KLF8: variants seen among roughly 807,000 people sequenced by gnomAD.
KLF8 encodes Krueppel-like factor 8.
KLF8 carries 10 observed loss-of-function variants against 18.2 expected under a neutral mutation model. The observed-to-expected ratio is 0.55, with a 90% CI of 0.34 to 0.93. KLF8 has a LOEUF of 0.93. KLF8 is among the 40% of genes least tolerant of loss of function. KLF8 has a pLI of 0.02. For synonymous variants in KLF8, 109 were observed against 97.3 expected (o/e 1.12, Z -0.71); for missense variants, 264 against 277.9 (o/e 0.95, Z 0.36).
the KLF8 span, among the ~76,000 whole-genome samples, chrX:56,055,919 G>T: frequency 9.0e-6 from 1 of 111,546 alleles, no homozygotes; most frequent in East Asian, 2.8e-4. Context: ...TATTAGTTCA[G>T]TTATATTTCT....
At chrX:56,157,656 T>A in the KLF8 span, among the ~76,000 whole-genome samples, 2 of 112,111 alleles carry the variant, frequency 1.8e-5, no homozygotes, top group African/African-American at 6.5e-5. Context: ...ATGAGCATTT[T>A]TTCATGTGTC....
chrX:56,185,974 C>CA, the KLF8 span, among the ~76,000 whole-genome samples: 5 of 111,641 alleles, frequency 4.5e-5, no homozygotes, highest in African/African-American at 1.6e-4. Context: ...AACTAACGAG[C>CA]AAAAAAACCA....
chrX:55,972,295 CTT>C, the KLF8 span, among the ~76,000 whole-genome samples: 15 of 111,101 alleles, frequency 1.4e-4, no homozygotes, highest in Non-Finnish European at 2.5e-4. Flanking sequence ...AAAAGACAAA[CTT>C]TGCATGTTCT....
chrX:56,081,554 T>C, the KLF8 span, among the ~76,000 whole-genome samples: 5 of 112,173 alleles, frequency 4.5e-5, no homozygotes, highest in Non-Finnish European at 7.5e-5. Context: ...CCTATTTTGT[T>C]CCTGATTTTA....
the KLF8 span, among the ~76,000 whole-genome samples, chrX:56,052,469 G>C: frequency 8.9e-6 from 1 of 111,828 alleles, no homozygotes; most frequent in Non-Finnish European, 1.9e-5. Flanking sequence ...CTTTCTGTTT[G>C]TTAGTTTTCC....
chrX:55,935,138 A>C, the KLF8 span, among the ~76,000 whole-genome samples: 2 of 112,576 alleles, frequency 1.8e-5, no homozygotes, highest in Non-Finnish European at 3.8e-5. Context: ...AATTACTAAT[A>C]CTAAGTGCTG....
chrX:56,109,470 T>C, the KLF8 span, among the ~76,000 whole-genome samples: 10 of 111,352 alleles, frequency 9.0e-5, no homozygotes, highest in Non-Finnish European at 1.3e-4. Context: ...TATTCTAATG[T>C]TGTTAGGTGG....
At chrX:55,997,133 C>T in the KLF8 span, among the ~76,000 whole-genome samples, 1 of 111,731 alleles carries the variant, frequency 9.0e-6, no homozygotes, top group Non-Finnish European at 1.9e-5. Flanking sequence ...CCTGGTGCAG[C>T]CAGGCAGGGA....
chrX:56,035,664 G>A, the KLF8 span, among the ~76,000 whole-genome samples: 4 of 111,594 alleles, frequency 3.6e-5, no homozygotes, highest in Admixed American at 3.8e-4. Context: ...CCTTAATTGG[G>A]GTGAAATGAT....
chrX:56,229,861 C>T (rs1429630902), upstream of KLF8, among the ~76,000 whole-genome samples: 1 of 111,931 alleles, frequency 8.9e-6, no homozygotes, highest in Non-Finnish European at 1.9e-5. Flanking sequence ...GTGCTCAATA[C>T]ATTTTATTGA....
the KLF8 span, among the ~76,000 whole-genome samples, chrX:56,078,056 T>A: frequency 5.0e-4 from 55 of 109,659 alleles, no homozygotes; most frequent in Non-Finnish European, 9.4e-4. Flanking sequence ...GACAATGGGG[T>A]TTTCCAGATA....
At chrX:56,273,447 T>C (rs1439019842) in intron 5 of KLF8, among the ~76,000 whole-genome samples, 1 of 110,022 alleles carries the variant, frequency 9.1e-6, no homozygotes, top group African/African-American at 3.3e-5. Flanking sequence ...TTGTACCCAT[T>C]AACCATCCCC....
chrX:56,026,912 G>A, the KLF8 span, among the ~76,000 whole-genome samples: 1 of 112,728 alleles, frequency 8.9e-6, no homozygotes, highest in African/African-American at 3.2e-5. Context: ...CTACTCCATA[G>A]GCTTGTATGC....
chrX:56,175,297 T>G, the KLF8 span, among the ~76,000 whole-genome samples: 3 of 112,082 alleles, frequency 2.7e-5, no homozygotes, highest in Non-Finnish European at 5.6e-5. Context: ...GTGTGTTGTG[T>G]CTTTGTTCTT....
chrX:56,194,079 C>T, the KLF8 span, among the ~76,000 whole-genome samples: 6 of 111,023 alleles, frequency 5.4e-5, no homozygotes, highest in African/African-American at 9.8e-5. Context: ...TCTCCTCTAA[C>T]TCGGGGTGGG....
At chrX:56,081,573 C>T in the KLF8 span, among the ~76,000 whole-genome samples, 9,071 of 111,565 alleles carry the variant, frequency 0.081, 897 homozygotes, top group African/African-American at 0.28. Context: ...TATTGGGAAA[C>T]TTTTGTCTTT....
chrX:56,109,763 C>CCCTT, the KLF8 span, among the ~76,000 whole-genome samples: 2 of 41,968 alleles, frequency 4.8e-5, no homozygotes. Flanking sequence ...CTTATTTTTT[C>CCCTT]CCTTTCTTAT....
chrX:56,036,148 ATAG>A, the KLF8 span, among the ~76,000 whole-genome samples: 7 of 111,492 alleles, frequency 6.3e-5, no homozygotes, highest in Admixed American at 9.5e-5. Context: ...TATGGGGTAC[ATAG>A]TAGTATTTTG....
chrX:56,079,146 G>T, the KLF8 span, among the ~76,000 whole-genome samples: 1 of 110,816 alleles, frequency 9.0e-6, no homozygotes, highest in African/African-American at 3.3e-5. Context: ...ATTTCCTTCA[G>T]TTCTGCTCTG....
Sources: allele counts gnomAD v4.1 joint callset (sites outside exome capture counted in the v4.1 genomes callset), GRCh38; gene constraint gnomAD v4.1.1; transcripts MANE v1.5; gene names NCBI Gene and HGNC (gene_info 2026-07-23, HGNC 2026-07-21).